PHF13: variants seen among roughly 807,000 people sequenced by gnomAD.
The protein encoded by PHF13 is PHD zinc finger protein PHF5.
A neutral mutation model predicts 25.8 loss-of-function variants in PHF13; 1 was observed. The observed-to-expected ratio is 0.04, with a 90% CI of 0.01 to 0.18. PHF13 has a LOEUF of 0.18. Among genes scored for constraint, PHF13 ranks in the 10% least tolerant of loss-of-function variants. The pLI is 1.00. For synonymous variants in PHF13, 195 were observed against 162.4 expected (o/e 1.20, Z -1.53); for missense variants, 306 against 403.2 (o/e 0.76, Z 2.06).
rs567580296 is a variant in PHF13, at chr1:6,621,712, G to A, written c.*75G>A. 5.6e-6 allele frequency: 8 copies of A among 1,437,396 alleles called. No individual in the cohort carries two copies. In the East Asian group the frequency reaches 1.9e-4, roughly 33 times the overall value. 89.0% of individuals were successfully genotyped at this position (1,437,396 alleles called of 1,614,324 possible). A position where few individuals can be genotyped will look rare whatever the true frequency, so the allele number is the denominator to read the frequency against. The stretch of plus-strand genomic sequence containing the variant: ...GCTTTTTTGCCCTTCTCTTAGTTGA[G>A]CACAGAACCCTCAGCTCTGGTGCGG... On this transcript the variant is annotated 3_prime_UTR_variant, in exon 4 of 4. Coordinates refer to ENST00000377648, the MANE Select transcript of PHF13 (RefSeq NM_153812.3). The surrounding 1 kb of genome is among the most constrained non-coding windows in gnomAD (Gnocchi z 4.8).
chr1:6,621,088 T>TTTGGGAGGCTGA lies in PHF13; in HGVS notation c.677-322_677-311dup, dbSNP rs1227890422. Among the ~76,000 whole-genome samples the TTTGGGAGGCTGA allele has an allele frequency of 1.0e-4, 15 of 150,136 alleles. No homozygotes were observed. The highest frequency in any genetic ancestry group is 9.9e-4 in the Admixed American group (15 of 15,088). Reference sequence around the variant, plus strand: ...TGGTGTGTGCCTGTAGTCCCAGCTATTTGGGAGGCTGAGGTGGGAGGATGG... The same window carrying TTTGGGAGGCTGA: ...TGGTGTGTGCCTGTAGTCCCAGCTATTTGGGAGGCTGATTGGGAGGCTGAGGTGGGAGGATGG... On this transcript the variant is annotated intron_variant, in intron 3 of 3. Coordinates refer to ENST00000377648, the MANE Select transcript of PHF13 (RefSeq NM_153812.3). This position sits in a 1 kb window ranked among gnomAD's most constrained non-coding sequence, Gnocchi z 4.8.
intron 1 of PHF13, among the ~76,000 whole-genome samples, chr1:6,614,832 C>G (rs904432801): frequency 2.8e-4 from 43 of 151,324 alleles, no homozygotes; most frequent in African/African-American, 9.9e-4. Context: ...CTCCCGGCCT[C>G]CCCCCCGCGC....
At position 6,616,138 on chromosome 1, in the gene PHF13, C is replaced by A. The variant is rs1641257311; in HGVS notation, c.40-619C>A. ...TCCGCCTCCGGGTTCACGCGATTCT[C>A]CTGCCTCAGCCTCCTGAGTAGTTGG... On this transcript the variant is annotated intron_variant, in intron 1 of 3. Coordinates refer to ENST00000377648, the MANE Select transcript of PHF13 (RefSeq NM_153812.3). Among the ~76,000 whole-genome samples, 5 of 147,222 alleles carry A rather than the reference C, an allele frequency of 3.4e-5. No homozygotes were observed. The Admixed American group carries it at 3.5e-4, about 10-fold the overall frequency.
At chr1:6,619,594 G>A (rs1052853859) in intron 2 of PHF13, among the ~76,000 whole-genome samples, 5 of 151,924 alleles carry the variant, frequency 3.3e-5, no homozygotes, top group South Asian at 4.2e-4. Context: ...CTGCCTTGGC[G>A]TCCCAGAGTG....
chr1:6,614,141 A>ACCG, intron 1 of PHF13, 36 bp downstream of exon 1: 1 of 1,290,258 alleles, frequency 7.8e-7, no homozygotes, highest in South Asian at 1.4e-5. Flanking sequence ...GCCCCCGACC[A>ACCG]CCCCCTCCGC....
At position 6,620,416 on chromosome 1, in the gene PHF13, C is replaced by T. The variant is rs117917853; in HGVS notation, c.676+79C>T. 2.9e-4 allele frequency: 431 copies of T among 1,475,478 alleles called. 2 individuals are homozygous for T. In the East Asian group the frequency reaches 8.6e-3, roughly 29 times the overall value. The allele number at this position is 1,475,478 out of a possible 1,614,324, so 91.4% of individuals were successfully genotyped here. A position where few individuals can be genotyped will look rare whatever the true frequency, so the allele number is the denominator to read the frequency against. ...GTTATTTTATTAAGTGGTCATCTCT[C>T]TGGGGCACAGGGTCTGGTGCCTTCC... On this transcript the variant is annotated intron_variant, in intron 3 of 3. Coordinates refer to ENST00000377648, the MANE Select transcript of PHF13 (RefSeq NM_153812.3).
rs5772244 is a variant in PHF13 at position 6,616,025 on chromosome 1, ATTTTTT to A, written c.40-716_40-711del. On this transcript the variant is annotated intron_variant, in intron 1 of 3. Coordinates refer to ENST00000377648, the MANE Select transcript of PHF13 (RefSeq NM_153812.3). ...GAGAGCTCTGGAGAATGAGTGGTTGATTTTTTTTTTTTTTTTTTTTTGAGTTGGAAT... is the reference window on the plus strand; with the variant it reads ...GAGAGCTCTGGAGAATGAGTGGTTGATTTTTTTTTTTTTTTGAGTTGGAAT... 1.2e-4 allele frequency among the ~76,000 whole-genome samples: 11 copies of A among 91,772 alleles called. 1 individual carries two copies. In the South Asian group the frequency reaches 1.8e-3, roughly 15 times the overall value. The allele number at this position is 91,772 out of a possible 152,430, so 60.2% of individuals were successfully genotyped here.
rs1557447310 is a variant in PHF13 at position 6,621,040 on chromosome 1, A to G, written c.677-371A>G. Reference sequence around the variant, plus strand: ...GCAAAACTCCGTCTCAAGAAAAAAAAAAAAAACAATAGTCGAGTGTGGTGG... The same window carrying G: ...GCAAAACTCCGTCTCAAGAAAAAAAGAAAAAACAATAGTCGAGTGTGGTGG... On this transcript the variant is annotated intron_variant, in intron 3 of 3. Transcript: ENST00000377648. The surrounding 1 kb of genome is among the most constrained non-coding windows in gnomAD (Gnocchi z 4.8). Among the ~76,000 whole-genome samples the G allele has an allele frequency of 1.3e-5, 2 of 150,512 alleles. No homozygotes were observed. Among genetic ancestry groups the G allele is most frequent in the African/African-American group, 4.9e-5 (2 of 40,834 alleles).
chr1:6,619,755 C>T (rs1158986893), intron 2 of PHF13, 48 bp from the exon 3 acceptor site: 2 of 1,546,364 alleles, frequency 1.3e-6, no homozygotes, highest in Non-Finnish European at 1.7e-6. Flanking sequence ...CTGCTCTGGG[C>T]TGGATCTTGT....
intron 1 of PHF13, chr1:6,614,327 C>T (rs935098518): frequency 2.5e-5 from 13 of 527,550 alleles, no homozygotes; most frequent in Admixed American, 2.0e-4. Flanking sequence ...ACCTCCGCGT[C>T]CTCCCCGCGC....
chr1:6,617,834 C>T (rs369446112), intron 2 of PHF13, among the ~76,000 whole-genome samples: 18 of 152,122 alleles, frequency 1.2e-4, no homozygotes, highest in African/African-American at 4.1e-4. Context: ...TTTTTATCTC[C>T]AGTTTATAAG....
intron 2 of PHF13, among the ~76,000 whole-genome samples, chr1:6,618,665 AC>A (rs1162428339): frequency 6.6e-6 from 1 of 151,654 alleles, no homozygotes; most frequent in African/African-American, 2.4e-5. Context: ...TTTTTTTGAG[AC>A]GGAGTCTTGC....
rs370174884 is a variant in PHF13 at position 6,621,805 on chromosome 1, C to T, written c.*168C>T. The T allele has an allele frequency of 9.3e-5, 65 of 698,114 alleles. No individual in the cohort carries two copies. Among genetic ancestry groups the T allele is most frequent in the African/African-American group, 5.9e-4 (33 of 56,062 alleles). The allele number at this position is 698,114 out of a possible 1,614,324, so 43.2% of individuals were successfully genotyped here. A position where few individuals can be genotyped will look rare whatever the true frequency, so the allele number is the denominator to read the frequency against. ...GTCCAAGGTAGAAACTGTACATAGC[C>T]GGTGACCGAATGCGACCTTTGCCAG... On this transcript the variant is annotated 3_prime_UTR_variant, in exon 4 of 4. Coordinates refer to ENST00000377648, the MANE Select transcript of PHF13 (RefSeq NM_153812.3). The surrounding 1 kb of genome is among the most constrained non-coding windows in gnomAD (Gnocchi z 4.8).
At chr1:6,617,865 A>G (rs1641284036) in intron 2 of PHF13, among the ~76,000 whole-genome samples, 1 of 152,194 alleles carries the variant, frequency 6.6e-6, no homozygotes. Flanking sequence ...TAAGGCATAG[A>G]GAGGGAAAAC....
intron 1 of PHF13, among the ~76,000 whole-genome samples, chr1:6,615,390 C>A (rs1001699488): frequency 6.6e-6 from 1 of 152,250 alleles, no homozygotes; most frequent in Admixed American, 6.5e-5. Context: ...CGCCTCCGCT[C>A]CGTGGGCGGC....
At chr1:6,620,673 C>T (rs1440144773) in intron 3 of PHF13, among the ~76,000 whole-genome samples, 3 of 152,166 alleles carry the variant, frequency 2.0e-5, no homozygotes, top group Non-Finnish European at 4.4e-5. Flanking sequence ...ATTGCTTGAG[C>T]TCAGGAGTTG....
Position 6,621,766 on chromosome 1 carries a change from C to A in PHF13, c.*129C>A. 2.2e-6 allele frequency: 2 copies of A among 900,906 alleles called. No homozygotes were observed. The highest frequency in any genetic ancestry group is 3.4e-6 in the Non-Finnish European group (2 of 582,298). The allele number at this position is 900,906 out of a possible 1,614,324, so 55.8% of individuals were successfully genotyped here. ...GATCCCTGCCATTTAGGTGCCTAAG[C>A]AAAAGGACAGGCTGTCCAAGGTAGA... On this transcript the variant is annotated 3_prime_UTR_variant, in exon 4 of 4. Coordinates refer to ENST00000377648, the MANE Select transcript of PHF13 (RefSeq NM_153812.3). The surrounding 1 kb of genome is among the most constrained non-coding windows in gnomAD (Gnocchi z 4.8).
At chr1:6,614,143 C>A (rs747171671) in intron 1 of PHF13, 38 bp downstream of exon 1, 1 of 1,590,350 alleles carries the variant, frequency 6.3e-7, no homozygotes, top group Non-Finnish European at 8.5e-7. Flanking sequence ...CCCCGACCAC[C>A]CCCTCCGCGA....
At chr1:6,618,872 C>T (rs1481167599) in intron 2 of PHF13, among the ~76,000 whole-genome samples, 1 of 152,026 alleles carries the variant, frequency 6.6e-6, no homozygotes, top group South Asian at 2.1e-4. Context: ...GTGTCGAACT[C>T]CTGAGCTCAG....
Sources: gnomAD v4.1 joint callset for allele counts (sites outside exome capture counted in the v4.1 genomes callset) on GRCh38, gnomAD v4.1.1 for gene constraint, Gnocchi (gnomAD v3.1) non-coding constraint, MANE v1.5 for transcripts, NCBI Gene and HGNC (gene_info 2026-07-23, HGNC 2026-07-21) for gene names.